The following ZNF335 variants were observed in gnomAD, a reference collection of about 807,000 sequenced individuals.
The protein encoded by ZNF335 is zinc finger protein 335, also known as NRC-interacting factor 1.
Under a neutral mutation model 145.6 loss-of-function variants are expected in ZNF335, and 84 were observed. The observed-to-expected ratio is 0.58, with a 90% CI of 0.48 to 0.69. The LOEUF is 0.69. Ranked by LOEUF, ZNF335 falls within the 30% of genes least tolerant of loss-of-function variation. The pLI is 0.00. For synonymous variants in ZNF335, 761 were observed against 717.0 expected, an observed-to-expected ratio of 1.06 and a Z score of -0.98; for missense variants, 1,865 against 1,809.7, an observed-to-expected ratio of 1.03 and a Z score of -0.55.
rs199912926 is a variant in ZNF335 at position 45,948,981 on chromosome 20, T to C, written c.4001A>G (p.Tyr1334Cys). The change falls in exon 28 of 28, where the codon TAC becomes TGC. Residue 1334 changes from tyrosine (Y) to cysteine (C), a missense_variant. Tyr to Cys is a radical substitution (Grantham distance 194). Transcript: ENST00000322927. ...IQQLQHQGIE[Y>C]DVITLADD ...GTCATCGGCCAGGGTGATGACGTCG[T>C]ACTCGATGCCCTGGTGCTGCAGCTG... 31 of 1,613,852 alleles carry C rather than the reference T, an allele frequency of 1.9e-5. No individual in the cohort carries two copies. The Admixed American group carries it at 2.8e-4, about 15-fold the overall frequency.
At chr20:45,962,964 C>T (rs772544715) in intron 9 of ZNF335, among the ~76,000 whole-genome samples, 1 of 151,906 alleles carries the variant, frequency 6.6e-6, no homozygotes, top group Non-Finnish European at 1.5e-5. Context: ...CAGGCATGCA[C>T]CACCATGCCC....
At chr20:45,971,170 G>T in intron 2 of ZNF335, 40 bp downstream of exon 2, 1 of 1,477,190 alleles carries the variant, frequency 6.8e-7, no homozygotes, top group Non-Finnish European at 9.0e-7. Flanking sequence ...TGCTGCTCGC[G>T]GTCCTTGCCT....
At chr20:45,960,011 A>G (rs1426865536) in intron 14 of ZNF335, among the ~76,000 whole-genome samples, 197 bp downstream of exon 14, 1 of 152,270 alleles carries the variant, frequency 6.6e-6, no homozygotes, top group East Asian at 1.9e-4. Context: ...CATCCAGAGA[A>G]CAACCAGCCA....
chr20:45,952,105 C>T (rs1243577168), intron 20 of ZNF335, 42 bp downstream of exon 20: 2 of 1,547,230 alleles, frequency 1.3e-6, no homozygotes, highest in Non-Finnish European at 1.7e-6. Context: ...AACGAGTAGC[C>T]CAATGAATGA....
rs1021113583 is a variant in ZNF335, at chr20:45,963,469, G to A, written c.1533+4C>T. ...TGAGCCCCAAGCCTCTTTGGCTCCC[G>A]CACCTTGAGCGAGGACCAGCGGCGG... On this transcript the variant is annotated splice_donor_region_variant and intron_variant, in intron 9 of 27. Coordinates refer to ENST00000322927, the MANE Select transcript of ZNF335 (RefSeq NM_022095.4). 7 of 1,609,198 alleles carry A rather than the reference G, an allele frequency of 4.3e-6. No individual in the cohort carries two copies. Among genetic ancestry groups the A allele is most frequent in the South Asian group, 2.2e-5 (2 of 90,930 alleles).
chr20:45,953,666 G>A (rs1460465333), intron 18 of ZNF335, 23 bp downstream of exon 18: 3 of 1,609,836 alleles, frequency 1.9e-6, no homozygotes, highest in Admixed American at 1.7e-5. Flanking sequence ...GCTGAAAGGG[G>A]CCTTGCAGGC....
Position 45,959,089 on chromosome 20 carries a change from T to TA in ZNF335, c.2253+111dup, listed in dbSNP as rs1407168944. The stretch of plus-strand genomic sequence containing the variant: ...GCATATGTGTGACTCAGTGAGTTTT[T>TA]ACCACAGTCTCAAGAGGCAGGGATT... On this transcript the variant is annotated intron_variant, in intron 15 of 27. Transcript: ENST00000322927. 6.4e-6 allele frequency: 6 copies of TA among 944,342 alleles called. No individual in the cohort carries two copies. The Admixed American group carries it at 1.6e-4, about 26-fold the overall frequency. 58.5% of individuals were successfully genotyped at this position (944,342 alleles called of 1,614,324 possible). A position where few individuals can be genotyped will look rare whatever the true frequency, so the allele number is the denominator to read the frequency against.
Position 45,960,980 on chromosome 20 carries a change from C to G in ZNF335, c.1647-98G>C. 2.0e-6 allele frequency: 3 copies of G among 1,511,804 alleles called. No homozygotes were observed. The South Asian group carries it at 3.6e-5, about 18-fold the overall frequency. 93.6% of individuals were successfully genotyped at this position (1,511,804 alleles called of 1,614,324 possible). ...ACCCAGCCTCAGCTATGAGCCTACTCCCTGCCAAGGCCCCTTTCTCTTAGA... is the reference window on the plus strand; with the variant it reads ...ACCCAGCCTCAGCTATGAGCCTACTGCCTGCCAAGGCCCCTTTCTCTTAGA... On this transcript the variant is annotated intron_variant, in intron 10 of 27. Transcript: ENST00000322927.
Position 45,963,773 on chromosome 20 carries a change from T to C in ZNF335, c.1320A>G (p.Arg440=), listed in dbSNP as rs1241642409. Reference sequence around the variant, plus strand: ...TCTTGCCTAGGAAGCGCCTGGAAGGTCGACCTCGGCGCCGGGGCAGAGTGT... The same window carrying C: ...TCTTGCCTAGGAAGCGCCTGGAAGGCCGACCTCGGCGCCGGGGCAGAGTGT... ...EHDTLPRRRG[R]PSRRFLGKKY... is the part of the protein sequence containing the mutation. Residue 440 remains arginine (R), a synonymous_variant, in exon 8 of 28, where the codon CGA becomes CGG. Coordinates refer to ENST00000322927, the MANE Select transcript of ZNF335 (RefSeq NM_022095.4). 2 of 1,613,992 alleles carry C rather than the reference T, an allele frequency of 1.2e-6. No homozygotes were observed. Among genetic ancestry groups the C allele is most frequent in the African/African-American group, 2.7e-5 (2 of 74,912 alleles).
rs1475608560 is a variant in ZNF335, at chr20:45,971,303, G to A, written c.108C>T (p.Ser36=). The change falls in exon 2 of 28, where the codon TCC becomes TCT. Residue 36 remains serine (S), a synonymous_variant. Transcript: ENST00000322927. ...GLGVGTSEAV[S]ADSSDAAAAP... is the part of the protein sequence containing the mutation. ...CGGCCGCGGCGTCGCTGCTGTCGGC[G>A]GACACGGCTTCTGAGGTGCCCACAC... 1 of 1,592,154 alleles carries A rather than the reference G, an allele frequency of 6.3e-7. No individual in the cohort carries two copies. Among genetic ancestry groups the A allele is most frequent in the East Asian group, 2.3e-5 (1 of 44,434 alleles).
At chr20:45,969,727 CA>C (rs1568831076) in intron 2 of ZNF335, 36 bp from the exon 3 acceptor site, 2 of 1,603,316 alleles carry the variant, frequency 1.2e-6, no homozygotes, top group South Asian at 2.2e-5. Context: ...AAAAGTTTAG[CA>C]GCTGGGTATG....
chr20:45,968,496 C>A, intron 3 of ZNF335, 134 bp from the exon 4 acceptor site: 1 of 753,974 alleles, frequency 1.3e-6, no homozygotes, highest in Non-Finnish European at 2.2e-6. Flanking sequence ...CGACTGCAAA[C>A]CAGCTGTGTC....
At chr20:45,969,854 C>CAGTCACAGAGTCCCCCAGGAAAA (rs2084027764) in intron 2 of ZNF335, 163 bp from the exon 3 acceptor site, 1 of 872,042 alleles carries the variant, frequency 1.1e-6, no homozygotes, top group Non-Finnish European at 1.7e-6. Flanking sequence ...AGAGGCCCTC[C>CAGTCACAGAGTCCCCCAGGAAAA]AGTCACAGAG....
chr20:45,955,786 C>T (rs1471005374), intron 17 of ZNF335, among the ~76,000 whole-genome samples: 2 of 150,340 alleles, frequency 1.3e-5, no homozygotes, highest in African/African-American at 4.9e-5. Flanking sequence ...CGCCACTGCA[C>T]TCCAGCCTGG....
Position 45,969,614 on chromosome 20 carries a change from A to G in ZNF335, c.279T>C (p.His93=). The change falls in exon 3 of 28, where the codon CAT becomes CAC. Residue 93 remains histidine (H), a synonymous_variant. Coordinates refer to ENST00000322927, the MANE Select transcript of ZNF335 (RefSeq NM_022095.4). ...SYLPDSSSVS[H]GPVAGVTGGP... ...CGCCTGTCACCCCTGCCACTGGCCC[A>G]TGAGACACAGACGATGAATCAGGGA... 3 of 1,610,080 alleles carry G rather than the reference A, an allele frequency of 1.9e-6. No homozygotes were observed. The highest frequency in any genetic ancestry group is 8.5e-7 in the Non-Finnish European group (1 of 1,177,180).
chr20:45,963,772 G>A lies in ZNF335; in HGVS notation c.1321C>T (p.Pro441Ser). The change falls in exon 8 of 28, where the codon CCT (proline) becomes TCT (serine). Residue 441 changes from proline to serine, a missense_variant. Pro to Ser is a moderately conservative substitution (Grantham distance 74). Coordinates refer to ENST00000322927, the MANE Select transcript of ZNF335 (RefSeq NM_022095.4). ...TTCTTGCCTAGGAAGCGCCTGGAAG[G>A]TCGACCTCGGCGCCGGGGCAGAGTG... ...HDTLPRRRGR[P>S]SRRFLGKKYR... 1 of 1,614,158 alleles carries A rather than the reference G, an allele frequency of 6.2e-7. No individual in the cohort carries two copies. Among genetic ancestry groups the A allele is most frequent in the Non-Finnish European group, 8.5e-7 (1 of 1,180,000 alleles).
intron 10 of ZNF335, 88 bp downstream of exon 10, chr20:45,961,982 G>C: frequency 8.8e-7 from 1 of 1,141,612 alleles, no homozygotes; most frequent in Non-Finnish European, 1.3e-6. Context: ...CAGGAGCACG[G>C]TAAGTGGGAA....
rs1483754216 is a variant in ZNF335, at chr20:45,959,309, C to A, written c.2145G>T (p.Glu715Asp). 14 of 1,570,790 alleles carry A rather than the reference C, an allele frequency of 8.9e-6. No homozygotes were observed. The highest frequency in any genetic ancestry group is 1.1e-5 in the Non-Finnish European group (13 of 1,154,840). ...AGAAGGGGCGACGGCGGGAGGGGGG[C>A]TCCTCAGGGTGGCGCCTCCCCCATT... ...FEEWGRRHPE[E>D]PPSRRRPFFS... Residue 715 changes from glutamate to aspartate, a missense_variant, in exon 15 of 28, where the codon GAG (glutamate) becomes GAT (aspartate). Physicochemically the swap from Glu to Asp is conservative, Grantham distance 45. Transcript: ENST00000322927.
At position 45,963,912 on chromosome 20, in the gene ZNF335, G is replaced by A. The variant is rs1247872199; in HGVS notation, c.1181C>T (p.Ser394Phe). The change falls in exon 8 of 28, where the codon TCC (serine) becomes TTC (phenylalanine). Residue 394 changes from serine to phenylalanine, a missense_variant. Coordinates refer to ENST00000322927, the MANE Select transcript of ZNF335 (RefSeq NM_022095.4). ...PEPQDPEAPS[S>F]SGPGHLVAMG... ...GGCCACCAGGTGTCCTGGGCCTGAGGAGCTGGGAGCCTCGGGATCCTGTGG... is the reference window on the plus strand; with the variant it reads ...GGCCACCAGGTGTCCTGGGCCTGAGAAGCTGGGAGCCTCGGGATCCTGTGG... The A allele has an allele frequency of 1.3e-6, 2 of 1,582,024 alleles. No individual in the cohort carries two copies. Among genetic ancestry groups the A allele is most frequent in the Non-Finnish European group, 1.7e-6 (2 of 1,162,734 alleles).
Sources: allele counts gnomAD v4.1 joint callset (sites outside exome capture counted in the v4.1 genomes callset), GRCh38; gene constraint gnomAD v4.1.1; transcripts MANE v1.5; gene names NCBI Gene and HGNC (gene_info 2026-07-23, HGNC 2026-07-21).